The following BAAT variants were observed in gnomAD, a reference collection of about 807,000 sequenced individuals.
The protein encoded by BAAT is bile acid CoA: amino acid N-acyltransferase (glycine N-choloyltransferase).
Under a neutral mutation model 18.9 loss-of-function variants are expected in BAAT, and 13 were observed. That is an observed-to-expected ratio of 0.69 (90% CI 0.45 to 1.10). The LOEUF (loss-of-function observed/expected upper bound fraction) is 1.10, where lower values mean the gene tolerates loss of function less well. BAAT is among the 50% of genes least tolerant of loss of function. The probability of loss-of-function intolerance (pLI) is 0.00; values close to 1 mark genes in which losing one functional copy is unlikely to be tolerated. For synonymous variants in BAAT, 170 were observed against 190.7 expected (o/e 0.89, Z 0.89); for missense variants, 489 against 504.0 (o/e 0.97, Z 0.28).
At chr9:101,370,381 T>C (rs1236285098) in intron 2 of BAAT, among the ~76,000 whole-genome samples, 6 of 138,024 alleles carry the variant, frequency 4.3e-5, no homozygotes, top group Non-Finnish European at 6.1e-5. Context: ...ATCAGGAACA[T>C]GGCTCACTGC....
chr9:101,360,942 T>A lies in BAAT; in HGVS notation c.*1486A>T, dbSNP rs973581382. 2 of 158,528 alleles carry A rather than the reference T, an allele frequency of 1.3e-5. No individual in the cohort carries two copies. Among genetic ancestry groups the A allele is most frequent in the Non-Finnish European group, 2.9e-5 (2 of 69,576 alleles). 9.8% of individuals were successfully genotyped at this position (158,528 alleles called of 1,614,324 possible). ...TTGGAGAAAACATGTAAGAAAACAT[T>A]TCTTGGTGCACAAGAAGGATAAAAA... On this transcript the variant is annotated 3_prime_UTR_variant, in exon 4 of 4. Transcript: ENST00000259407.
At chr9:101,383,460 T>C (rs1265454381) in intron 1 of BAAT, 1 of 152,196 alleles carries the variant, frequency 6.6e-6, no homozygotes, top group East Asian at 1.9e-4. Flanking sequence ...CTGATTAAAA[T>C]ACAAAGTACC....
chr9:101,364,342 T>C (rs1478471085), intron 3 of BAAT, among the ~76,000 whole-genome samples: 1 of 152,190 alleles, frequency 6.6e-6, no homozygotes, highest in Non-Finnish European at 1.5e-5. Flanking sequence ...TTGACTTAAT[T>C]CCTGAAACTG....
At position 101,360,623 on chromosome 9, in the gene BAAT, A is replaced by G. The variant is rs946221314; in HGVS notation, c.*1805T>C. 2.0e-5 allele frequency: 3 copies of G among 152,186 alleles called. No individual in the cohort carries two copies. Among genetic ancestry groups the G allele is most frequent in the African/African-American group, 4.8e-5 (2 of 41,426 alleles). The allele number at this position is 152,186 out of a possible 1,614,324, so 9.4% of individuals were successfully genotyped here. On this transcript the variant is annotated 3_prime_UTR_variant, in exon 4 of 4. Coordinates refer to ENST00000259407, the MANE Select transcript of BAAT (RefSeq NM_001701.4). Reference sequence around the variant, plus strand: ...GAGGAGGTGCCACACACTTTTAAACAGTCATATCTCTTGAGAACTCACTCA... The same window carrying G: ...GAGGAGGTGCCACACACTTTTAAACGGTCATATCTCTTGAGAACTCACTCA...
intron 3 of BAAT, among the ~76,000 whole-genome samples, chr9:101,363,831 T>C (rs1248687274): frequency 6.6e-6 from 1 of 152,140 alleles, no homozygotes; most frequent in Non-Finnish European, 1.5e-5. Flanking sequence ...CTGGTTAACA[T>C]AGTGAGACCC....
chr9:101,376,623 G>C (rs952927274), intron 1 of BAAT: 1 of 152,232 alleles, frequency 6.6e-6, no homozygotes, highest in African/African-American at 2.4e-5. Flanking sequence ...TGCCTCACTA[G>C]AACAGTCAGC....
chr9:101,381,184 C>T (rs989189039), intron 1 of BAAT, among the ~76,000 whole-genome samples: 1 of 151,876 alleles, frequency 6.6e-6, no homozygotes, highest in Non-Finnish European at 1.5e-5. Context: ...TAAACCCACA[C>T]ATATCAATAA....
chr9:101,367,970 T>A, intron 3 of BAAT, 150 bp downstream of exon 3: 1 of 777,276 alleles, frequency 1.3e-6, no homozygotes, highest in Non-Finnish European at 2.2e-6. Flanking sequence ...CACATTGTAG[T>A]ATCAAAAGGC....
chr9:101,361,330 GTGGTACATGCTAGA>G lies in BAAT; in HGVS notation c.*1084_*1097del, dbSNP rs1314519640. ...TGTTGAACTTAAAGTCTTGCAAAAT[GTGGTACATGCTAGA>G]TGGTAGTTATGTTGCTATGAGGACT... is the stretch of plus-strand genomic sequence containing the variant. On this transcript the variant is annotated 3_prime_UTR_variant, in exon 4 of 4. Coordinates refer to ENST00000259407, the MANE Select transcript of BAAT (RefSeq NM_001701.4). 6.5e-6 allele frequency: 1 copy of G among 152,964 alleles called. No homozygotes were observed. The highest frequency in any genetic ancestry group is 1.9e-4 in the East Asian group (1 of 5,200). 9.5% of individuals were successfully genotyped at this position (152,964 alleles called of 1,614,324 possible).
At chr9:101,381,852 C>T (rs192965064) in intron 1 of BAAT, among the ~76,000 whole-genome samples, 6 of 152,162 alleles carry the variant, frequency 3.9e-5, no homozygotes, top group East Asian at 1.9e-4. Flanking sequence ...TTCCAAGTAC[C>T]GTATTTCATT....
At chr9:101,382,412 C>T (rs1348319951) in intron 1 of BAAT, among the ~76,000 whole-genome samples, 2 of 152,126 alleles carry the variant, frequency 1.3e-5, no homozygotes, top group Non-Finnish European at 2.9e-5. Flanking sequence ...ATCCCAAGCA[C>T]AAGCAGGGCA....
intron 3 of BAAT, among the ~76,000 whole-genome samples, chr9:101,364,844 G>A (rs1169856724): frequency 6.6e-6 from 1 of 152,162 alleles, no homozygotes; most frequent in Non-Finnish European, 1.5e-5. Context: ...ATCATAGGAA[G>A]CTTTGTCTAA....
At position 101,368,201 on chromosome 9, in the gene BAAT, A is replaced by T; in HGVS notation, c.588T>A (p.Tyr196Ter). The change falls in exon 3 of 4, where the codon TAT (tyrosine) becomes TAA (stop). Residue 196 changes from tyrosine to a stop codon, truncating the protein, a stop_gained. Coordinates refer to ENST00000259407, the MANE Select transcript of BAAT (RefSeq NM_001701.4). LOFTEE classifies it high-confidence loss of function. ...FASLALAYHN[Y>*]EDLPRKPEVT... ...CTTCTGGTTTGCGGGGCAGGTCTTC[A>T]TAGTTATGGTAAGCCAAGGCCAAGG... is the stretch of plus-strand genomic sequence containing the variant. 1.2e-6 allele frequency: 2 copies of T among 1,610,776 alleles called. No homozygotes were observed. Among genetic ancestry groups the T allele is most frequent in the Non-Finnish European group, 1.7e-6 (2 of 1,178,180 alleles).
chr9:101,366,013 G>T (rs550164255), intron 3 of BAAT, among the ~76,000 whole-genome samples: 1 of 152,026 alleles, frequency 6.6e-6, no homozygotes, highest in African/African-American at 2.4e-5. Flanking sequence ...TTAGCAATTT[G>T]GAAATATACA....
chr9:101,364,343 C>A (rs1249561818), intron 3 of BAAT, among the ~76,000 whole-genome samples: 1 of 152,110 alleles, frequency 6.6e-6, no homozygotes, highest in Non-Finnish European at 1.5e-5. Context: ...TGACTTAATT[C>A]CTGAAACTGC....
At chr9:101,380,123 T>C (rs1360539495) in intron 1 of BAAT, among the ~76,000 whole-genome samples, 23 of 150,420 alleles carry the variant, frequency 1.5e-4, no homozygotes, top group Non-Finnish European at 1.5e-5. Context: ...AGCTGGAGTG[T>C]GGAGGTTATA....
intron 1 of BAAT, among the ~76,000 whole-genome samples, chr9:101,381,154 G>A (rs1830126024): frequency 6.6e-6 from 1 of 152,018 alleles, no homozygotes; most frequent in Admixed American, 6.6e-5. Flanking sequence ...TAATAAATGG[G>A]ATGAATGGAA....
rs781653021 is a variant in BAAT, at chr9:101,362,565, C to T, written c.1120G>A (p.Ala374Thr). The change falls in exon 4 of 4, where the codon GCC (alanine) becomes ACC (threonine). Residue 374 changes from alanine (A) to threonine (T), a missense_variant. By Grantham distance (58) the Ala-to-Thr change is moderately conservative (BLOSUM62 0). Coordinates refer to ENST00000259407, the MANE Select transcript of BAAT (RefSeq NM_001701.4). ...IEPPYSPLCC[A>T]STTHDLRLHW... is the part of the protein sequence containing the mutation. ...AACCTCAAATCGTGGGTCGTTGAGG[C>T]ACAGCACAGAGGAGAATAGGGAGGT... 2.0e-5 allele frequency: 33 copies of T among 1,614,072 alleles called. No homozygotes were observed. In the South Asian group the frequency reaches 3.6e-4, roughly 18 times the overall value.
chr9:101,377,513 A>G (rs1050574991), intron 1 of BAAT, among the ~76,000 whole-genome samples: 3 of 152,204 alleles, frequency 2.0e-5, no homozygotes, highest in African/African-American at 7.2e-5. Flanking sequence ...AGCATAAAAT[A>G]TAAGGATTGA....
Sources: allele counts gnomAD v4.1 joint callset (sites outside exome capture counted in the v4.1 genomes callset), GRCh38; gene constraint gnomAD v4.1.1; transcripts MANE v1.5; gene names NCBI Gene and HGNC (gene_info 2026-07-23, HGNC 2026-07-21).